ADGRL3: variants seen among roughly 807,000 people sequenced by gnomAD.
ADGRL3 encodes the protein adhesion G protein-coupled receptor L3.
ADGRL3 carries 62 observed loss-of-function variants against 153.5 expected under a neutral mutation model. The observed-to-expected ratio is 0.40, with a 90% CI of 0.33 to 0.50. The LOEUF (loss-of-function observed/expected upper bound fraction) is 0.50, where lower values mean the gene tolerates loss of function less well. Ranked by LOEUF, ADGRL3 falls within the 20% of genes least tolerant of loss-of-function variation. ADGRL3 has a pLI of 0.47. For missense variants in ADGRL3, 1,641 were observed against 1,859.4 expected (o/e 0.88, Z 2.16); for synonymous variants, 710 against 672.5 (o/e 1.06, Z -0.86).
intron 1 of ADGRL3, among the ~76,000 whole-genome samples, chr4:61,215,139 A>AT (rs1488214178): frequency 2.0e-5 from 3 of 152,162 alleles, no homozygotes; most frequent in Admixed American, 6.5e-5. Context: ...TCTGCTTCCA[A>AT]TTGTACAGAC....
intron 7 of ADGRL3, among the ~76,000 whole-genome samples, 194 bp downstream of exon 7, chr4:61,730,830 G>T (rs1047368908): frequency 2.6e-5 from 4 of 151,802 alleles, no homozygotes; most frequent in African/African-American, 7.2e-5. Flanking sequence ...GAAGAGTTTA[G>T]TAGTATAAAA....
chr4:61,535,386 T>C (rs995917048), intron 4 of ADGRL3, among the ~76,000 whole-genome samples: 6 of 152,100 alleles, frequency 3.9e-5, no homozygotes, highest in African/African-American at 1.4e-4. Flanking sequence ...TCAGGGATAT[T>C]GGTCTGTAGT....
intron 6 of ADGRL3, among the ~76,000 whole-genome samples, chr4:61,686,104 C>T (rs953914273): frequency 6.6e-6 from 1 of 152,038 alleles, no homozygotes; most frequent in Non-Finnish European, 1.5e-5. Flanking sequence ...CAACCATGCT[C>T]ATTTAGCTTT....
Position 61,217,061 on chromosome 4 carries a change from A to C in ADGRL3, c.-240+15296A>C, listed in dbSNP as rs115132261. On this transcript the variant is annotated intron_variant, in intron 1 of 26. Coordinates refer to ENST00000683033, the MANE Select transcript of ADGRL3 (RefSeq NM_001387552.1). Reference sequence around the variant, plus strand: ...TAAATCATTAATTTTATAATTCACTATTTATTTGTTAGCACTAGATGTCTG... The same window carrying C: ...TAAATCATTAATTTTATAATTCACTCTTTATTTGTTAGCACTAGATGTCTG... Among the ~76,000 whole-genome samples, 1,158 of 152,308 alleles carry C rather than the reference A, an allele frequency of 7.6e-3. 16 individuals carry two copies. Among genetic ancestry groups the C allele is most frequent in the African/African-American group, 0.025 (1,020 of 41,564 alleles).
At chr4:61,487,559 C>T (rs566968509) in intron 2 of ADGRL3, among the ~76,000 whole-genome samples, 16 of 152,092 alleles carry the variant, frequency 1.1e-4, no homozygotes, top group African/African-American at 3.9e-4. Context: ...GAAGTAGACA[C>T]CTATTATGTT....
chr4:62,036,407 T>C (rs1725020475), intron 23 of ADGRL3, among the ~76,000 whole-genome samples: 1 of 152,070 alleles, frequency 6.6e-6, no homozygotes. Context: ...GGCACTCCTC[T>C]TCTATGCTTG....
intron 5 of ADGRL3, among the ~76,000 whole-genome samples, chr4:61,591,183 A>G (rs2098967601): frequency 6.6e-6 from 1 of 152,142 alleles, no homozygotes; most frequent in South Asian, 2.1e-4. Context: ...AAGGTTTCAT[A>G]TATTGTATAC....
chr4:61,416,170 C>A (rs574005314), intron 2 of ADGRL3, among the ~76,000 whole-genome samples: 1 of 152,028 alleles, frequency 6.6e-6, no homozygotes, highest in East Asian at 1.9e-4. Context: ...TGCTATATGA[C>A]ATTGTTAATT....
chr4:61,432,062 A>G (rs1386876878), intron 2 of ADGRL3, among the ~76,000 whole-genome samples: 1 of 152,184 alleles, frequency 6.6e-6, no homozygotes, highest in Non-Finnish European at 1.5e-5. Context: ...TGCTTGGTAT[A>G]TGTAATCCAA....
chr4:61,635,048 A>G (rs1434151427), intron 5 of ADGRL3, among the ~76,000 whole-genome samples: 2 of 152,118 alleles, frequency 1.3e-5, no homozygotes, highest in African/African-American at 4.8e-5. Flanking sequence ...AGGCGTACTG[A>G]GTCTACTGTA....
intron 8 of ADGRL3, among the ~76,000 whole-genome samples, chr4:61,792,178 C>A (rs1198296326): frequency 6.6e-6 from 1 of 152,098 alleles, no homozygotes; most frequent in African/African-American, 2.4e-5. Context: ...AACTGAATGC[C>A]TTTACCAGCA....
At chr4:61,407,895 C>G (rs2097024077) in intron 2 of ADGRL3, among the ~76,000 whole-genome samples, 1 of 152,000 alleles carries the variant, frequency 6.6e-6, no homozygotes, top group Non-Finnish European at 1.5e-5. Context: ...TTTATAAATC[C>G]TGAACTCAAA....
intron 1 of ADGRL3, among the ~76,000 whole-genome samples, chr4:61,291,598 A>G (rs1345884220): frequency 1.0e-4 from 1 of 9,650 alleles, no homozygotes; most frequent in South Asian, 2.6e-3. Flanking sequence ...ATATATATAT[A>G]TATATACACA....
chr4:61,483,456 G>A lies in ADGRL3; in HGVS notation c.-173-13665G>A, dbSNP rs2098153438. On this transcript the variant is annotated intron_variant, in intron 2 of 26. Transcript: ENST00000683033. ...TGCTGTGTTATTAAAGAAAATTAAAGGCCTGGCGCAGTGGCTCACGCCTGT... is the reference window on the plus strand; with the variant it reads ...TGCTGTGTTATTAAAGAAAATTAAAAGCCTGGCGCAGTGGCTCACGCCTGT... Among the ~76,000 whole-genome samples, 7 of 152,232 alleles carry A rather than the reference G, an allele frequency of 4.6e-5. No homozygotes were observed. The South Asian group carries it at 1.2e-3, about 27-fold the overall frequency.
chr4:61,846,519 A>G (rs2098118212), intron 9 of ADGRL3, among the ~76,000 whole-genome samples: 1 of 152,084 alleles, frequency 6.6e-6, no homozygotes, highest in Admixed American at 6.6e-5. Flanking sequence ...CTGTTTTGCA[A>G]GCTTTTTTAT....
intron 2 of ADGRL3, among the ~76,000 whole-genome samples, chr4:61,389,684 T>G (rs1393515238): frequency 6.6e-6 from 1 of 152,158 alleles, no homozygotes; most frequent in Non-Finnish European, 1.5e-5. Flanking sequence ...GTGTGGGATG[T>G]AAAAACTGGC....
chr4:61,857,463 A>G (rs1337754076), intron 9 of ADGRL3, among the ~76,000 whole-genome samples: 15 of 152,146 alleles, frequency 9.9e-5, no homozygotes, highest in Non-Finnish European at 1.6e-4. Flanking sequence ...CTGCCAACCA[A>G]CCACTGCTAG....
intron 8 of ADGRL3, among the ~76,000 whole-genome samples, chr4:61,808,372 G>A (rs2097573414): frequency 6.6e-6 from 1 of 152,074 alleles, no homozygotes; most frequent in Non-Finnish European, 1.5e-5. Context: ...CCGCTGAGAG[G>A]CCCATCAGTA....
chr4:61,776,607 ATAT>A (rs574765069), intron 8 of ADGRL3, among the ~76,000 whole-genome samples: 12 of 152,282 alleles, frequency 7.9e-5, no homozygotes, highest in Admixed American at 3.9e-4. Context: ...TGCTGTACAG[ATAT>A]TATTATATAT....
Sources: gnomAD v4.1 joint callset for allele counts (sites outside exome capture counted in the v4.1 genomes callset) on GRCh38, gnomAD v4.1.1 for gene constraint, MANE v1.5 for transcripts, NCBI Gene and HGNC (gene_info 2026-07-23, HGNC 2026-07-21) for gene names.